GALNTL6: variants seen among roughly 807,000 people sequenced by gnomAD.
GALNTL6 encodes the protein polypeptide N-acetylgalactosaminyltransferase-like 6.
Under a neutral mutation model 73.7 loss-of-function variants are expected in GALNTL6, and 46 were observed. The ratio of observed to expected loss-of-function variants is 0.62; its 90% CI spans 0.49 to 0.80. The LOEUF (loss-of-function observed/expected upper bound fraction) is 0.80. Among genes scored for constraint, GALNTL6 ranks in the 30% least tolerant of loss-of-function variants. The pLI is 0.00. For synonymous variants in GALNTL6, 259 were observed against 263.7 expected, an observed-to-expected ratio of 0.98 and a Z score of 0.17; for missense variants, 604 against 755.0, an observed-to-expected ratio of 0.80 and a Z score of 2.34.
chr4:172,672,946 T>A (rs1206534171), intron 5 of GALNTL6, among the ~76,000 whole-genome samples: 2 of 152,146 alleles, frequency 1.3e-5, no homozygotes, highest in Non-Finnish European at 2.9e-5. Context: ...ACAGTCTATT[T>A]TTTTATTAAT....
At chr4:171,996,231 G>A (rs891627031) in intron 2 of GALNTL6, among the ~76,000 whole-genome samples, 1 of 152,052 alleles carries the variant, frequency 6.6e-6, no homozygotes, top group African/African-American at 2.4e-5. Context: ...GGAAAATTCT[G>A]TAAAGTGAAA....
chr4:172,181,593 G>A (rs1316074887), intron 2 of GALNTL6, among the ~76,000 whole-genome samples: 1 of 150,932 alleles, frequency 6.6e-6, no homozygotes, highest in Non-Finnish European at 1.5e-5. Flanking sequence ...GGAAGTTCTG[G>A]CCAGGGCAAT....
chr4:172,572,821 G>A (rs1486373339), intron 5 of GALNTL6, among the ~76,000 whole-genome samples: 2 of 152,092 alleles, frequency 1.3e-5, no homozygotes, highest in Non-Finnish European at 2.9e-5. Context: ...CAACAACCTT[G>A]ATAAAGTCAA....
intron 8 of GALNTL6, among the ~76,000 whole-genome samples, chr4:172,912,517 A>G (rs1304500839): frequency 1.3e-5 from 2 of 152,214 alleles, no homozygotes; most frequent in Non-Finnish European, 2.9e-5. Context: ...CTCCCACCCT[A>G]ATACTGCGCT....
chr4:172,740,310 G>A (rs1736723870), intron 5 of GALNTL6, among the ~76,000 whole-genome samples: 1 of 152,234 alleles, frequency 6.6e-6, no homozygotes, highest in South Asian at 2.1e-4. Flanking sequence ...CAGGGTAGTG[G>A]TTACCCTTGG....
At chr4:172,978,440 GA>G (rs1275454365) in intron 10 of GALNTL6, among the ~76,000 whole-genome samples, 1 of 152,114 alleles carries the variant, frequency 6.6e-6, no homozygotes, top group Non-Finnish European at 1.5e-5. Flanking sequence ...TAGAGCTCTT[GA>G]AACCCTCCTA....
chr4:172,611,442 C>T (rs1738523842), intron 5 of GALNTL6, among the ~76,000 whole-genome samples: 1 of 151,992 alleles, frequency 6.6e-6, no homozygotes, highest in African/African-American at 2.4e-5. Context: ...CTTAGTTTGG[C>T]TGGATATGAA....
In GALNTL6 at chr4:172,475,031, T is replaced by A. The variant is rs528014427; in HGVS notation, c.553+126342T>A. Among the ~76,000 whole-genome samples the A allele has an allele frequency of 3.3e-5, 5 of 152,260 alleles. No individual in the cohort carries two copies. In the East Asian group the frequency reaches 9.6e-4, roughly 29 times the overall value. ...TCAGCTGGTAAAAAATTGTATGAGG[T>A]GCTGAGTGTAATTTTATTTATTGAT... On this transcript the variant is annotated intron_variant, in intron 5 of 12. Transcript: ENST00000506823.
rs61501175 is a variant in GALNTL6 at position 172,034,395 on chromosome 4, CGTGCGTGTGTGTGTGTGTGTGTGTGTGT to C, written c.139-195257_139-195230del. On this transcript the variant is annotated intron_variant, in intron 2 of 12. Transcript: ENST00000506823. ...TCTATTCTTCCTTAAGGGGAGCGTG[CGTGCGTGTGTGTGTGTGTGTGTGTGTGT>C]GTGTGTGTGTGTGTGTGTGTGTGTG... Among the ~76,000 whole-genome samples the C allele has an allele frequency of 6.2e-3, 863 of 139,556 alleles. 6 individuals carry two copies. The highest frequency in any genetic ancestry group is 0.021 in the African/African-American group (780 of 37,380). 91.6% of individuals were successfully genotyped at this position (139,556 alleles called of 152,430 possible).
intron 5 of GALNTL6, among the ~76,000 whole-genome samples, chr4:172,501,671 A>G (rs756300597): frequency 1.3e-5 from 2 of 152,118 alleles, no homozygotes; most frequent in Non-Finnish European, 2.9e-5. Flanking sequence ...AGAGACCACA[A>G]TATACTTGGA....
chr4:172,148,985 C>T (rs1037700823), intron 2 of GALNTL6, among the ~76,000 whole-genome samples: 2 of 152,148 alleles, frequency 1.3e-5, no homozygotes, highest in Admixed American at 1.3e-4. Flanking sequence ...GTCTCCATAG[C>T]TAAGGCTTGT....
intron 11 of GALNTL6, among the ~76,000 whole-genome samples, chr4:173,016,386 A>C (rs1676114130): frequency 6.6e-6 from 1 of 152,232 alleles, no homozygotes; most frequent in Non-Finnish European, 1.5e-5. Flanking sequence ...CAGCCTGCGA[A>C]AGCAGCTGGG....
chr4:171,851,844 A>T (rs1254525055), intron 2 of GALNTL6, among the ~76,000 whole-genome samples: 1 of 152,188 alleles, frequency 6.6e-6, no homozygotes, highest in Non-Finnish European at 1.5e-5. Context: ...ATTTCAAAAG[A>T]GCTTACTGCC....
intron 5 of GALNTL6, among the ~76,000 whole-genome samples, chr4:172,673,151 T>G (rs1019267593): frequency 2.6e-5 from 4 of 152,222 alleles, no homozygotes; most frequent in African/African-American, 9.7e-5. Flanking sequence ...ATGTGGGTAT[T>G]TAGTGCTTTA....
chr4:172,344,974 CAAT>C (rs1741689161), intron 4 of GALNTL6, among the ~76,000 whole-genome samples: 1 of 152,046 alleles, frequency 6.6e-6, no homozygotes, highest in Non-Finnish European at 1.5e-5. Flanking sequence ...GTGTAAACAA[CAAT>C]GACCGTAATA....
intron 9 of GALNTL6, among the ~76,000 whole-genome samples, chr4:172,940,896 C>T (rs1748887971): frequency 6.6e-6 from 1 of 152,086 alleles, no homozygotes; most frequent in Non-Finnish European, 1.5e-5. Context: ...TGGTCTCAAA[C>T]TCCAGGAGGC....
At chr4:172,083,665 T>C (rs757968304) in intron 2 of GALNTL6, among the ~76,000 whole-genome samples, 1 of 152,176 alleles carries the variant, frequency 6.6e-6, no homozygotes, top group Non-Finnish European at 1.5e-5. Flanking sequence ...CTCCCCAACC[T>C]CATGACATTC....
At chr4:172,388,387 A>G (rs542902816) in intron 5 of GALNTL6, among the ~76,000 whole-genome samples, 4 of 152,298 alleles carry the variant, frequency 2.6e-5, no homozygotes, top group South Asian at 4.1e-4. Flanking sequence ...CAAAGTTGCT[A>G]ATCTTCATTT....
chr4:172,697,474 G>T (rs1042884179), intron 5 of GALNTL6, among the ~76,000 whole-genome samples: 3 of 152,168 alleles, frequency 2.0e-5, no homozygotes, highest in Admixed American at 2.0e-4. Flanking sequence ...AAGACAATTT[G>T]TGTACAAAAT....
Sources: allele counts gnomAD v4.1 joint callset (sites outside exome capture counted in the v4.1 genomes callset), GRCh38; gene constraint gnomAD v4.1.1; transcripts MANE v1.5; gene names NCBI Gene and HGNC (gene_info 2026-07-23, HGNC 2026-07-21).